MAST4: variants seen among roughly 807,000 people sequenced by gnomAD.
MAST4 encodes the protein microtubule associated serine/threonine kinase family member 4.
Under a neutral mutation model 162.7 loss-of-function variants are expected in MAST4, and 89 were observed. The observed-to-expected ratio is 0.55, with a 90% CI of 0.46 to 0.65. The LOEUF (loss-of-function observed/expected upper bound fraction) is 0.65. Ranked by LOEUF, MAST4 falls within the 30% of genes least tolerant of loss-of-function variation. The probability of loss-of-function intolerance (pLI) is 0.00; values close to 1 mark genes in which losing one functional copy is unlikely to be tolerated. For missense variants in MAST4, 3,153 were observed against 3,374.0 expected, an observed-to-expected ratio of 0.93 and a Z score of 1.62; for synonymous variants, 1,479 against 1,361.1, an observed-to-expected ratio of 1.09 and a Z score of -1.91.
At chr5:66,843,276 C>T (rs1031626746) in intron 3 of MAST4, among the ~76,000 whole-genome samples, 5 of 152,122 alleles carry the variant, frequency 3.3e-5, no homozygotes, top group African/African-American at 4.8e-5. Flanking sequence ...TACTCTTTTC[C>T]GTGCTGTCCA....
At chr5:66,884,733 A>C (rs1388474636) in intron 3 of MAST4, among the ~76,000 whole-genome samples, 1 of 152,222 alleles carries the variant, frequency 6.6e-6, no homozygotes, top group Non-Finnish European at 1.5e-5. Context: ...TATCCCCTCA[A>C]ATGAAAAAAG....
At chr5:66,922,943 C>A (rs914596144) in intron 4 of MAST4, among the ~76,000 whole-genome samples, 3 of 152,058 alleles carry the variant, frequency 2.0e-5, no homozygotes, top group Non-Finnish European at 4.4e-5. Context: ...CTGTTAAGAC[C>A]CCTTCATTTT....
At chr5:66,809,646 A>G (rs890463814) in intron 3 of MAST4, among the ~76,000 whole-genome samples, 7 of 152,242 alleles carry the variant, frequency 4.6e-5, no homozygotes, top group Non-Finnish European at 7.3e-5. Flanking sequence ...AAATAAAAAA[A>G]TGATTCCTTT....
chr5:66,728,306 T>G (rs1751642904), intron 1 of MAST4, among the ~76,000 whole-genome samples: 1 of 152,148 alleles, frequency 6.6e-6, no homozygotes, highest in South Asian at 2.1e-4. Flanking sequence ...TATAGAAATT[T>G]CCATGGAAAA....
At chr5:67,101,776 A>G (rs1353331450) in intron 8 of MAST4, among the ~76,000 whole-genome samples, 1 of 151,688 alleles carries the variant, frequency 6.6e-6, no homozygotes, top group Non-Finnish European at 1.5e-5. Flanking sequence ...TGGTTTTACT[A>G]TTTCATCTAC....
At chr5:66,868,428 T>C (rs1760688028) in intron 3 of MAST4, among the ~76,000 whole-genome samples, 1 of 151,156 alleles carries the variant, frequency 6.6e-6, no homozygotes, top group East Asian at 1.9e-4. Flanking sequence ...TGTATATATA[T>C]GTATATACAT....
chr5:66,794,754 TG>T (rs1755569229), intron 3 of MAST4, among the ~76,000 whole-genome samples: 1 of 152,234 alleles, frequency 6.6e-6, no homozygotes. Context: ...TTAGGTTAAG[TG>T]GCTTAATTTT....
chr5:66,961,951 T>G (rs1366570946), intron 4 of MAST4, among the ~76,000 whole-genome samples: 1 of 152,248 alleles, frequency 6.6e-6, no homozygotes, highest in Non-Finnish European at 1.5e-5. Flanking sequence ...GAGAATGGTC[T>G]TAGAAGATAT....
At chr5:66,771,473 A>G (rs958548020) in intron 2 of MAST4, among the ~76,000 whole-genome samples, 1 of 152,180 alleles carries the variant, frequency 6.6e-6, no homozygotes, top group Non-Finnish European at 1.5e-5. Flanking sequence ...GGCATAAGCC[A>G]CTGTGCCTGG....
chr5:66,607,204 A>G lies in MAST4; in HGVS notation c.363+10186A>G, dbSNP rs572309141. 5.3e-5 allele frequency among the ~76,000 whole-genome samples: 8 copies of G among 152,330 alleles called. No individual in the cohort carries two copies. In the East Asian group the frequency reaches 1.5e-3, roughly 29 times the overall value. On this transcript the variant is annotated intron_variant, in intron 1 of 28. Coordinates refer to ENST00000403625, the MANE Select transcript of MAST4 (RefSeq NM_001164664.2). ...CACAGAACCTTGCATGATGTGGCAC[A>G]CAATGATCAATTGCTGAATAAATGA...
At position 67,118,678 on chromosome 5, in the gene MAST4, T is replaced by C; in HGVS notation, c.1592-4T>C. On this transcript the variant is annotated splice_polypyrimidine_tract_variant and splice_region_variant and intron_variant, in intron 12 of 28. Coordinates refer to ENST00000403625, the MANE Select transcript of MAST4 (RefSeq NM_001164664.2). ...AAGCTTAACTTTTTTTTTTTCCAAC[T>C]TAGAAATGGCTCATTTGGGAAACTA... 6.4e-7 allele frequency: 1 copy of C among 1,550,916 alleles called. No homozygotes were observed. Among genetic ancestry groups the C allele is most frequent in the South Asian group, 1.2e-5 (1 of 83,684 alleles).
chr5:67,153,333 C>A (rs1207545663), intron 25 of MAST4, 125 bp from the exon 26 acceptor site: 2 of 968,670 alleles, frequency 2.1e-6, no homozygotes, highest in African/African-American at 3.4e-5. Context: ...GTAAACGTAC[C>A]TGTTAGATTT....
At chr5:66,864,536 T>C (rs1282726671) in intron 3 of MAST4, among the ~76,000 whole-genome samples, 1 of 152,088 alleles carries the variant, frequency 6.6e-6, no homozygotes, top group African/African-American at 2.4e-5. Flanking sequence ...CTTTGCATAT[T>C]ACGGCATCTT....
chr5:66,935,561 A>G (rs530676565), intron 4 of MAST4, among the ~76,000 whole-genome samples: 1 of 152,070 alleles, frequency 6.6e-6, no homozygotes, highest in Non-Finnish European at 1.5e-5. Flanking sequence ...CTCAGTACTC[A>G]GTGTCCCACT....
intron 3 of MAST4, among the ~76,000 whole-genome samples, chr5:66,812,291 T>G (rs1012086966): frequency 1.3e-5 from 2 of 152,244 alleles, no homozygotes; most frequent in African/African-American, 4.8e-5. Context: ...ATTTAGGGAT[T>G]GTGAAAATGG....
chr5:66,666,468 C>T (rs1747264050), intron 1 of MAST4, among the ~76,000 whole-genome samples: 1 of 152,116 alleles, frequency 6.6e-6, no homozygotes, highest in African/African-American at 2.4e-5. Context: ...GTGGTATGCC[C>T]CAAATAAAAT....
At chr5:66,779,711 A>C (rs1754764996) in intron 2 of MAST4, among the ~76,000 whole-genome samples, 1 of 152,202 alleles carries the variant, frequency 6.6e-6, no homozygotes, top group Non-Finnish European at 1.5e-5. Context: ...CTATGAGGGA[A>C]GAAATGTTTA....
chr5:67,018,477 T>C (rs1032929563), intron 4 of MAST4, among the ~76,000 whole-genome samples: 1 of 152,134 alleles, frequency 6.6e-6, no homozygotes, highest in Non-Finnish European at 1.5e-5. Flanking sequence ...GTCGTCCCAC[T>C]GTACTTCAGC....
intron 4 of MAST4, among the ~76,000 whole-genome samples, chr5:66,948,029 C>G (rs1561469909): frequency 6.6e-6 from 1 of 152,136 alleles, no homozygotes; most frequent in Non-Finnish European, 1.5e-5. Context: ...TGGACTGTCT[C>G]TCTTATGCAC....
Sources: allele counts gnomAD v4.1 joint callset (sites outside exome capture counted in the v4.1 genomes callset), GRCh38; gene constraint gnomAD v4.1.1; transcripts MANE v1.5; gene names NCBI Gene and HGNC (gene_info 2026-07-23, HGNC 2026-07-21).